The following NPAS2 variants were observed in gnomAD, a reference collection of about 807,000 sequenced individuals.
The protein encoded by NPAS2 is neuronal PAS domain-containing protein 2.
Under a neutral mutation model 107.5 loss-of-function variants are expected in NPAS2, and 23 were observed. The observed-to-expected ratio is 0.21, with a 90% confidence interval of 0.15 to 0.30. NPAS2 has a LOEUF of 0.30. NPAS2 is among the 10% of genes least tolerant of loss of function. The pLI, the probability that NPAS2 is intolerant of heterozygous loss-of-function variation, is 1.00. For missense variants in NPAS2, 756 were observed against 1,043.3 expected (o/e 0.72, Z 3.79); for synonymous variants, 403 against 417.5 (o/e 0.97, Z 0.42).
chr2:100,876,513 A>G (rs1003034210), intron 1 of NPAS2, among the ~76,000 whole-genome samples: 1 of 152,192 alleles, frequency 6.6e-6, no homozygotes, highest in African/African-American at 2.4e-5. Context: ...CTAGGGGCCC[A>G]GGAATCTGTA....
intron 15 of NPAS2, among the ~76,000 whole-genome samples, chr2:100,978,473 A>C (rs1212601147): frequency 6.6e-6 from 1 of 152,164 alleles, no homozygotes; most frequent in Non-Finnish European, 1.5e-5. Flanking sequence ...GAAAGACTGA[A>C]AGGATCTAAA....
intron 1 of NPAS2, among the ~76,000 whole-genome samples, chr2:100,833,568 GA>G (rs1354277585): frequency 6.6e-6 from 1 of 152,170 alleles, no homozygotes; most frequent in African/African-American, 2.4e-5. Context: ...TTCAACTCTA[GA>G]AGCCAAACAC....
intron 16 of NPAS2, chr2:100,986,348 A>AGC (rs1484281697): frequency 6.6e-6 from 1 of 152,162 alleles, no homozygotes; most frequent in Non-Finnish European, 1.5e-5. Context: ...AAGTCTCCCC[A>AGC]GCGCGCCTGC....
At chr2:100,848,724 A>G (rs1185355813) in intron 1 of NPAS2, among the ~76,000 whole-genome samples, 5 of 152,378 alleles carry the variant, frequency 3.3e-5, no homozygotes, top group Non-Finnish European at 1.5e-5. Flanking sequence ...ATTCCCTGCT[A>G]GTCAACGAAT....
chr2:100,993,684 C>A, intron 20 of NPAS2, 157 bp downstream of exon 20: 1 of 602,736 alleles, frequency 1.7e-6, no homozygotes, highest in Non-Finnish European at 2.7e-6. Context: ...GATTGTTTTT[C>A]ATGCTTAAAG....
chr2:100,951,498 C>T (rs1238706414), intron 7 of NPAS2, among the ~76,000 whole-genome samples: 6 of 152,130 alleles, frequency 3.9e-5, no homozygotes, highest in African/African-American at 7.2e-5. Flanking sequence ...GAATATTATT[C>T]GGCCTTAAAA....
chr2:100,975,278 C>T, intron 13 of NPAS2, 180 bp from the exon 14 acceptor site: 1 of 634,968 alleles, frequency 1.6e-6, no homozygotes. Context: ...TTTGTGGTGT[C>T]TCCTACCTGC....
chr2:100,970,994 G>C lies in NPAS2; in HGVS notation c.1060G>C (p.Ala354Pro). 1 of 1,614,024 alleles carries C rather than the reference G, an allele frequency of 6.2e-7. No homozygotes were observed. The highest frequency in any genetic ancestry group is 8.5e-7 in the Non-Finnish European group (1 of 1,179,958). ...GTCTCTTAATTTCCTGTACAGTTACGCAGATGTCCGGGTGGAAAGGAGGCA... is the reference window on the plus strand; with the variant it reads ...GTCTCTTAATTTCCTGTACAGTTACCCAGATGTCCGGGTGGAAAGGAGGCA... ...IVCTHSVVSY[A>P]DVRVERRQEL... Residue 354 changes from alanine to proline, a missense_variant, in exon 12 of 21, where the codon GCA becomes CCA. Ala to Pro is a conservative substitution (Grantham distance 27). Coordinates refer to ENST00000335681, the MANE Select transcript of NPAS2 (RefSeq NM_002518.4).
chr2:100,977,643 A>C, intron 14 of NPAS2, 67 bp from the exon 15 acceptor site: 1 of 1,405,636 alleles, frequency 7.1e-7, no homozygotes, highest in Non-Finnish European at 1.0e-6. Flanking sequence ...CACCGGACCA[A>C]GAGACCACAT....
intron 1 of NPAS2, among the ~76,000 whole-genome samples, chr2:100,827,881 A>C (rs1428050216): frequency 6.6e-6 from 1 of 152,220 alleles, no homozygotes; most frequent in African/African-American, 2.4e-5. Context: ...ATGTGAATGC[A>C]TATATCTTTT....
chr2:100,828,364 T>A (rs549971997), intron 1 of NPAS2, among the ~76,000 whole-genome samples: 1 of 152,314 alleles, frequency 6.6e-6, no homozygotes, highest in African/African-American at 2.4e-5. Flanking sequence ...GTTGTCTGTT[T>A]ACTCTGTTGA....
At chr2:100,874,154 T>A (rs1054287823) in intron 1 of NPAS2, among the ~76,000 whole-genome samples, 1 of 151,878 alleles carries the variant, frequency 6.6e-6, no homozygotes, top group African/African-American at 2.4e-5. Flanking sequence ...CTGGCTAATT[T>A]TTTTATCTTT....
At chr2:100,879,308 G>T (rs993867424) in intron 1 of NPAS2, among the ~76,000 whole-genome samples, 4 of 152,158 alleles carry the variant, frequency 2.6e-5, no homozygotes, top group Admixed American at 6.5e-5. Context: ...AGTGAAGCAA[G>T]TTAACATATC....
chr2:100,955,576 A>G (rs1019753965), intron 7 of NPAS2, among the ~76,000 whole-genome samples: 1 of 152,198 alleles, frequency 6.6e-6, no homozygotes, highest in Non-Finnish European at 1.5e-5. Flanking sequence ...GAAGAGCTGC[A>G]GTCACTTCTT....
intron 2 of NPAS2, among the ~76,000 whole-genome samples, chr2:100,908,352 C>G (rs1396570105): frequency 4.6e-5 from 7 of 152,076 alleles, no homozygotes; most frequent in Admixed American, 6.6e-5. Context: ...CAGTAATTCT[C>G]CAAGCCTTAC....
intron 12 of NPAS2, among the ~76,000 whole-genome samples, chr2:100,974,349 G>A (rs1010523666): frequency 4.6e-5 from 7 of 152,180 alleles, no homozygotes; most frequent in Admixed American, 4.6e-4. Flanking sequence ...AGGGGACACT[G>A]AGGCTGCAGA....
At chr2:100,839,448 C>A (rs1300434370) in intron 1 of NPAS2, among the ~76,000 whole-genome samples, 2 of 152,086 alleles carry the variant, frequency 1.3e-5, no homozygotes. Flanking sequence ...AGACCTTTAT[C>A]TTGATGCACT....
intron 1 of NPAS2, among the ~76,000 whole-genome samples, chr2:100,855,007 T>C (rs1678468138): frequency 6.6e-6 from 1 of 152,252 alleles, no homozygotes; most frequent in Non-Finnish European, 1.5e-5. Flanking sequence ...ATTGATTATA[T>C]GTTGAAATAA....
chr2:100,899,498 C>T (rs1300224416), intron 1 of NPAS2, among the ~76,000 whole-genome samples: 1 of 152,168 alleles, frequency 6.6e-6, no homozygotes, highest in African/African-American at 2.4e-5. Context: ...GCTGGGATTA[C>T]AGGTGTGAGC....
Sources: allele counts gnomAD v4.1 joint callset (sites outside exome capture counted in the v4.1 genomes callset), GRCh38; gene constraint gnomAD v4.1.1; transcripts MANE v1.5; gene names NCBI Gene and HGNC (gene_info 2026-07-23, HGNC 2026-07-21).